The following TRIM77 variants were observed in gnomAD, a reference collection of about 807,000 sequenced individuals.
TRIM77 encodes the protein tripartite motif containing 77.
Under a neutral mutation model 31.8 loss-of-function variants are expected in TRIM77, and 23 were observed. The observed-to-expected ratio is 0.72, with a 90% CI of 0.52 to 1.02. The LOEUF is 1.02. TRIM77 is among the 50% of genes least tolerant of loss of function. The probability of loss-of-function intolerance (pLI) is 0.00; values close to 1 mark genes in which losing one functional copy is unlikely to be tolerated. For synonymous variants in TRIM77, 159 were observed against 183.1 expected, an observed-to-expected ratio of 0.87 and a Z score of 1.06; for missense variants, 446 against 539.2, an observed-to-expected ratio of 0.83 and a Z score of 1.71.
chr11:89,715,841 A>G (rs1949157152), intron 4 of TRIM77, 49 bp from the exon 5 acceptor site: 1 of 1,267,042 alleles, frequency 7.9e-7, no homozygotes, highest in Non-Finnish European at 1.1e-6. Flanking sequence ...GTGGATTGCT[A>G]ATGATTCCTT....
chr11:89,712,846 T>A (rs865874164), intron 2 of TRIM77, among the ~76,000 whole-genome samples: 3 of 152,246 alleles, frequency 2.0e-5, no homozygotes, highest in South Asian at 2.1e-4. Flanking sequence ...TTAGCTTTAA[T>A]AAGGATAGAA....
chr11:89,715,482 G>T (rs542920809), intron 4 of TRIM77, among the ~76,000 whole-genome samples: 2 of 152,258 alleles, frequency 1.3e-5, no homozygotes, highest in Admixed American at 1.3e-4. Flanking sequence ...AATAATCTCA[G>T]AGAGGCAGCT....
chr11:89,717,796 G>A lies in TRIM77; in HGVS notation c.1277G>A (p.Ser426Asn). 1 of 1,551,038 alleles carries A rather than the reference G, an allele frequency of 6.4e-7. No individual in the cohort carries two copies. The highest frequency in any genetic ancestry group is 8.7e-7 in the Non-Finnish European group (1 of 1,146,620). The change falls in exon 6 of 6, where the codon AGT becomes AAT. Residue 426 changes from serine (S) to asparagine (N), a missense_variant. Ser to Asn is a conservative substitution (Grantham distance 46). Coordinates refer to ENST00000398290, the MANE Select transcript of TRIM77 (RefSeq NM_001146162.1). The stretch of plus-strand genomic sequence containing the variant: ...GTGAGCTTTGTTAATGTTGCCCAAA[G>A]TTCCCTCATTTGTAGTTTCCTCTCA... ...GIVSFVNVAQSSLICSFLSRI... is the reference protein window; with the variant it reads ...GIVSFVNVAQNSLICSFLSRI...
chr11:89,714,584 C>T (rs554068131), intron 3 of TRIM77, among the ~76,000 whole-genome samples, 162 bp downstream of exon 3: 15 of 152,230 alleles, frequency 9.9e-5, no homozygotes, highest in Admixed American at 8.5e-4. Flanking sequence ...TCTGTAGACC[C>T]GGTCTCACTC....
intron 3 of TRIM77, 50 bp downstream of exon 3, chr11:89,714,472 C>T (rs895008967): frequency 1.4e-5 from 17 of 1,215,432 alleles, no homozygotes; most frequent in African/African-American, 4.6e-5. Flanking sequence ...GCTTGGGAAT[C>T]GTATCTGCTA....
Position 89,717,373 on chromosome 11 carries a change from C to T in TRIM77, c.860-6C>T, listed in dbSNP as rs908054221. 1 of 1,528,186 alleles carries T rather than the reference C, an allele frequency of 6.5e-7. No individual in the cohort carries two copies. The highest frequency in any genetic ancestry group is 1.2e-5 in the South Asian group (1 of 80,686). The allele number at this position is 1,528,186 out of a possible 1,614,324, so 94.7% of individuals were successfully genotyped here. A position where few individuals can be genotyped will look rare whatever the true frequency, so the allele number is the denominator to read the frequency against. On this transcript the variant is annotated splice_polypyrimidine_tract_variant and splice_region_variant and intron_variant, in intron 5 of 5. Coordinates refer to ENST00000398290, the MANE Select transcript of TRIM77 (RefSeq NM_001146162.1). ...TTTTTGCATTCACTGTTTTCTTTTG[C>T]CATAGTGTATATCACCTTGGATCGT... is the stretch of plus-strand genomic sequence containing the variant.
intron 5 of TRIM77, among the ~76,000 whole-genome samples, chr11:89,717,011 A>G (rs904386510): frequency 6.6e-6 from 1 of 151,838 alleles, no homozygotes; most frequent in African/African-American, 2.4e-5. Context: ...ATTTTCTTTC[A>G]TCTTAGTTGC....
chr11:89,710,734 T>G (rs1225077636), intron 1 of TRIM77, 25 bp downstream of exon 1: 1 of 1,485,282 alleles, frequency 6.7e-7, no homozygotes, highest in Admixed American at 2.4e-5. Context: ...CTGATTGCAC[T>G]TTGAAATGTG....
Position 89,714,236 on chromosome 11 carries a change from T to C in TRIM77, c.552T>C (p.Pro184=), listed in dbSNP as rs761603287. 8 of 1,551,656 alleles carry C rather than the reference T, an allele frequency of 5.2e-6. No homozygotes were observed. The South Asian group carries it at 9.5e-5, about 18-fold the overall frequency. Residue 184 remains proline (P), a synonymous_variant, in exon 3 of 6, where the codon CCT becomes CCC. Transcript: ENST00000398290. The part of the protein sequence containing the change: ...LRSMMISAEY[P]KVCQYLREEE... The stretch of plus-strand genomic sequence containing the variant: ...GCATGATGATCAGTGCTGAATATCC[T>C]AAGGTGTGTCAATACCTCCGTGAAG...
rs1949170790 is a variant in TRIM77 at position 89,717,583 on chromosome 11, T to C, written c.1064T>C (p.Ile355Thr). 1.3e-6 allele frequency: 2 copies of C among 1,551,504 alleles called. No individual in the cohort carries two copies. The highest frequency in any genetic ancestry group is 2.0e-5 in the Admixed American group (1 of 50,978). ...VDVKDSCNWV[I>T]GLCREAWTKR... ...GTGAAAGACTCTTGTAATTGGGTTA[T>C]AGGACTTTGCAGAGAAGCCTGGACA... Residue 355 changes from isoleucine to threonine, a missense_variant, in exon 6 of 6, where the codon ATA (isoleucine) becomes ACA (threonine). Transcript: ENST00000398290.
At chr11:89,711,292 C>T in intron 1 of TRIM77, 118 bp from the exon 2 acceptor site, 1 of 524,138 alleles carries the variant, frequency 1.9e-6, no homozygotes, top group South Asian at 3.7e-5. Context: ...TAAGAAAAGC[C>T]CCTGCATGTC....
Position 89,716,005 on chromosome 11 carries a change from A to G in TRIM77, c.859+18A>G. 6.8e-7 allele frequency: 1 copy of G among 1,471,756 alleles called. No individual in the cohort carries two copies. Among genetic ancestry groups the G allele is most frequent in the Non-Finnish European group, 9.2e-7 (1 of 1,082,972 alleles). The allele number at this position is 1,471,756 out of a possible 1,614,324, so 91.2% of individuals were successfully genotyped here. A position where few individuals can be genotyped will look rare whatever the true frequency, so the allele number is the denominator to read the frequency against. On this transcript the variant is annotated intron_variant, in intron 5 of 5. Transcript: ENST00000398290. ...CTTCAGAGGTAAGAGTGTGAACTGC[A>G]CTAATGTTTCCAACGTAAGTATTTT...
In TRIM77 at chr11:89,715,173, A is replaced by T; in HGVS notation, c.754A>T (p.Met252Leu). 1 of 1,551,684 alleles carries T rather than the reference A, an allele frequency of 6.4e-7. No individual in the cohort carries two copies. Among genetic ancestry groups the T allele is most frequent in the Non-Finnish European group, 8.7e-7 (1 of 1,146,840 alleles). The stretch of plus-strand genomic sequence containing the variant: ...CTCTTTATAGGATTTGGGAGACGTA[A>T]TGAAAAGGTAAGTTTGCCCCTCTAT... ...VNLPQDLGDVMKRNEFLRLAM... is the reference protein window; with the variant it reads ...VNLPQDLGDVLKRNEFLRLAM... Residue 252 changes from methionine (M) to leucine (L), a missense_variant, in exon 4 of 6, where the codon ATG becomes TTG. By Grantham distance (15) the Met-to-Leu change is conservative. Coordinates refer to ENST00000398290, the MANE Select transcript of TRIM77 (RefSeq NM_001146162.1).
rs1206705890 is a variant in TRIM77, at chr11:89,710,430, A to G, written c.132A>G (p.Glu44=). The change falls in exon 1 of 6, where the codon GAA becomes GAG. Residue 44 remains glutamate (E), a synonymous_variant. Coordinates refer to ENST00000398290, the MANE Select transcript of TRIM77 (RefSeq NM_001146162.1). The part of the protein sequence containing the change: ...FCSPCLCLLW[E]DTLTPNCCPV... ...GTCCCTGTCTCTGCCTCTTGTGGGA[A>G]GATACACTAACTCCTAATTGCTGCC... 4 of 1,551,688 alleles carry G rather than the reference A, an allele frequency of 2.6e-6. No homozygotes were observed. In the Admixed American group the frequency reaches 7.8e-5, roughly 30 times the overall value.
intron 3 of TRIM77, 102 bp downstream of exon 3, chr11:89,714,524 A>G: frequency 1.2e-6 from 1 of 846,046 alleles, no homozygotes; most frequent in Middle Eastern, 3.2e-4. Flanking sequence ...TTCCGGTTCC[A>G]AATATTCAGA....
In TRIM77 at chr11:89,710,526, T is replaced by C. The variant is rs1332449199; in HGVS notation, c.228T>C (p.Pro76=). The stretch of plus-strand genomic sequence containing the variant: ...TTTTTGCTGAGAAACAAGTTATTCC[T>C]ACAAGAGAATCAGTCCCCTGCCAGT... The part of the protein sequence containing the change: ...RIIFAEKQVI[P]TRESVPCQLS... Residue 76 remains proline (P), a synonymous_variant, in exon 1 of 6, where the codon CCT becomes CCC. Transcript: ENST00000398290. The C allele has an allele frequency of 1.5e-5, 23 of 1,551,546 alleles. No individual in the cohort carries two copies. Among genetic ancestry groups the C allele is most frequent in the Non-Finnish European group, 1.7e-5 (19 of 1,146,968 alleles).
chr11:89,714,404 A>T lies in TRIM77; in HGVS notation c.720A>T (p.Ala240=). 1.3e-6 allele frequency: 2 copies of T among 1,551,138 alleles called. No homozygotes were observed. The highest frequency in any genetic ancestry group is 1.7e-6 in the Non-Finnish European group (2 of 1,146,722). The change falls in exon 3 of 6, where the codon GCA becomes GCT. Residue 240 remains alanine, a synonymous_variant. Transcript: ENST00000398290. ...AACTGAAGGAAATGAGCTGTAAAGCAGATGTGAACCTGCCTCAGGTAAAAA... is the reference window on the plus strand; with the variant it reads ...AACTGAAGGAAATGAGCTGTAAAGCTGATGTGAACCTGCCTCAGGTAAAAA... The part of the protein sequence containing the change: ...YEKLKEMSCK[A]DVNLPQDLGD...
intron 2 of TRIM77, among the ~76,000 whole-genome samples, chr11:89,712,208 T>C (rs866222081): frequency 9.9e-5 from 15 of 152,180 alleles, no homozygotes; most frequent in African/African-American, 2.6e-4. Flanking sequence ...CAGGGACCAG[T>C]AGAGAATAAT....
At chr11:89,712,762 A>G (rs1484696470) in intron 2 of TRIM77, among the ~76,000 whole-genome samples, 1 of 152,218 alleles carries the variant, frequency 6.6e-6, no homozygotes, top group Admixed American at 6.5e-5. Context: ...GGTTCAGGAA[A>G]GAGTAGGGAA....
Sources: gnomAD v4.1 joint callset for allele counts (sites outside exome capture counted in the v4.1 genomes callset) on GRCh38, gnomAD v4.1.1 for gene constraint, MANE v1.5 for transcripts, NCBI Gene and HGNC (gene_info 2026-07-23, HGNC 2026-07-21) for gene names.